The following ZFP14 variants were observed in gnomAD, a reference collection of about 807,000 sequenced individuals.
ZFP14 encodes zinc finger protein 14 homolog.
In ZFP14, 22 loss-of-function variants were observed where a neutral mutation model predicts 54.5. The ratio of observed to expected loss-of-function variants is 0.40; its 90% CI spans 0.29 to 0.58. The LOEUF (loss-of-function observed/expected upper bound fraction) is 0.58, where lower values mean the gene tolerates loss of function less well. Among genes scored for constraint, ZFP14 ranks in the 20% least tolerant of loss-of-function variants. The pLI is 0.39. For synonymous variants in ZFP14, 159 were observed against 204.0 expected, an observed-to-expected ratio of 0.78 and a Z score of 1.88; for missense variants, 470 against 637.8, an observed-to-expected ratio of 0.74 and a Z score of 2.83.
chr19:36,346,076 T>C (rs2031408015), intron 4 of ZFP14, among the ~76,000 whole-genome samples: 1 of 152,122 alleles, frequency 6.6e-6, no homozygotes, highest in Admixed American at 6.6e-5. Flanking sequence ...GAGGATTGCT[T>C]GAGCCCAGGA....
intron 4 of ZFP14, among the ~76,000 whole-genome samples, chr19:36,343,938 G>C (rs2031368231): frequency 6.6e-6 from 1 of 152,176 alleles, no homozygotes; most frequent in African/African-American, 2.4e-5. Flanking sequence ...ACCCATTGGG[G>C]ATTAAGTTTC....
In ZFP14 at chr19:36,337,407, AACAATAAAAATAAAAT is replaced by A. The variant is rs1162708344; in HGVS notation, c.*2801_*2816del. On this transcript the variant is annotated 3_prime_UTR_variant, in exon 5 of 5. Coordinates refer to ENST00000270001, the MANE Select transcript of ZFP14 (RefSeq NM_020917.3). ...CTCAAATAGAAAATACTCAAAAAAA[AACAATAAAAATAAAAT>A]ACAATAAAAATAATGCAAATTGAAA... 1.3e-5 allele frequency: 2 copies of A among 152,208 alleles called. No individual in the cohort carries two copies. Among genetic ancestry groups the A allele is most frequent in the Non-Finnish European group, 2.9e-5 (2 of 68,042 alleles). 9.4% of individuals were successfully genotyped at this position (152,208 alleles called of 1,614,324 possible).
intron 1 of ZFP14, among the ~76,000 whole-genome samples, chr19:36,374,815 A>T (rs942780622): frequency 3.9e-5 from 6 of 152,214 alleles, no homozygotes; most frequent in Non-Finnish European, 8.8e-5. Context: ...CCACCACATT[A>T]AACAGAGTGT....
chr19:36,377,874 C>T (rs191419668), intron 1 of ZFP14, among the ~76,000 whole-genome samples: 1 of 152,082 alleles, frequency 6.6e-6, no homozygotes, highest in African/African-American at 2.4e-5. Flanking sequence ...CAAAACAAAA[C>T]AAACCTACTG....
chr19:36,378,411 A>G (rs1434163910), intron 1 of ZFP14: 1 of 152,238 alleles, frequency 6.6e-6, no homozygotes, highest in Non-Finnish European at 1.5e-5. Flanking sequence ...TAATTTTGCA[A>G]CTGGCTTTAT....
chr19:36,369,408 TG>T lies in ZFP14; in HGVS notation c.-79-1438del, dbSNP rs1218202355. ...CGTTTCTTTTTTCTTTTTTTGGTTTTGTTTTTTTTGTTTGTTTTTGCAGACA... is the reference window on the plus strand; with the variant it reads ...CGTTTCTTTTTTCTTTTTTTGGTTTTTTTTTTTTGTTTGTTTTTGCAGACA... On this transcript the variant is annotated intron_variant, in intron 1 of 4. Coordinates refer to ENST00000270001, the MANE Select transcript of ZFP14 (RefSeq NM_020917.3). Among the ~76,000 whole-genome samples, 10 of 152,262 alleles carry T rather than the reference TG, an allele frequency of 6.6e-5. No individual in the cohort carries two copies. In the South Asian group the frequency reaches 1.0e-3, roughly 16 times the overall value.
At chr19:36,346,003 T>C (rs910539199) in intron 4 of ZFP14, among the ~76,000 whole-genome samples, 2 of 151,998 alleles carry the variant, frequency 1.3e-5, no homozygotes, top group Non-Finnish European at 2.9e-5. Context: ...ATATAAAAAA[T>C]CCAGGTTGGC....
Position 36,341,010 on chromosome 19 carries a change from A to G in ZFP14, c.816T>C (p.Ala272=), listed in dbSNP as rs763712192. The G allele has an allele frequency of 6.2e-7, 1 of 1,614,094 alleles. No individual in the cohort carries two copies. The highest frequency in any genetic ancestry group is 8.5e-7 in the Non-Finnish European group (1 of 1,180,022). The change falls in exon 5 of 5, where the codon GCT becomes GCC. Residue 272 remains alanine (A), a synonymous_variant. Transcript: ENST00000270001. This position sits in a 1 kb window ranked among gnomAD's most constrained non-coding sequence, Gnocchi z 4.2. ...CACCAGTGTGAATTCTCTGATGTCG[A>G]GCCAGTTGCTGATGTACTCTAAAGG... ...GKAFRVHQQL[A]RHQRIHTGEK...
At position 36,356,107 on chromosome 19, in the gene ZFP14, C is replaced by T. The variant is rs1194265514; in HGVS notation, c.235+4328G>A. Among the ~76,000 whole-genome samples the T allele has an allele frequency of 9.2e-5, 11 of 119,430 alleles. 1 individual carries two copies. Among genetic ancestry groups the T allele is most frequent in the Non-Finnish European group, 2.1e-4 (11 of 52,968 alleles). The allele number at this position is 119,430 out of a possible 152,430, so 78.4% of individuals were successfully genotyped here. A position where few individuals can be genotyped will look rare whatever the true frequency, so the allele number is the denominator to read the frequency against. ...TTCACCCAGCCCCTCCCAGTGTTAACATCTTAGGTAAGTATAGCACAATAT... is the reference window on the plus strand; with the variant it reads ...TTCACCCAGCCCCTCCCAGTGTTAATATCTTAGGTAAGTATAGCACAATAT... On this transcript the variant is annotated intron_variant, in intron 4 of 4. Coordinates refer to ENST00000270001, the MANE Select transcript of ZFP14 (RefSeq NM_020917.3).
intron 1 of ZFP14, among the ~76,000 whole-genome samples, chr19:36,371,316 A>G (rs2031874463): frequency 6.6e-6 from 1 of 152,186 alleles, no homozygotes; most frequent in Non-Finnish European, 1.5e-5. Context: ...GTGAACTTCA[A>G]GAAATACAGA....
In ZFP14 at chr19:36,335,965, C is replaced by G. The variant is rs1357047784; in HGVS notation, c.*4259G>C. On this transcript the variant is annotated 3_prime_UTR_variant, in exon 5 of 5. Transcript: ENST00000270001. ...GGTCAGGCTGGTCTCGAACTCCTGA[C>G]TTCAAGTGATCCACCCACCTCGGCC... 2.0e-5 allele frequency: 3 copies of G among 152,026 alleles called. No individual in the cohort carries two copies. Among genetic ancestry groups the G allele is most frequent in the African/African-American group, 7.3e-5 (3 of 41,362 alleles). The allele number at this position is 152,026 out of a possible 1,614,324, so 9.4% of individuals were successfully genotyped here.
rs1023736263 is a variant in ZFP14, at chr19:36,336,598, A to G, written c.*3626T>C. 6.6e-6 allele frequency: 1 copy of G among 152,220 alleles called. No homozygotes were observed. The highest frequency in any genetic ancestry group is 2.4e-5 in the African/African-American group (1 of 41,452). 9.4% of individuals were successfully genotyped at this position (152,220 alleles called of 1,614,324 possible). A position where few individuals can be genotyped will look rare whatever the true frequency, so the allele number is the denominator to read the frequency against. On this transcript the variant is annotated 3_prime_UTR_variant, in exon 5 of 5. Transcript: ENST00000270001. ...TGTTGTTTCCTTTTTCTTGACGGAA[A>G]TACTTATTCATTCCCTCAACACATT...
intron 1 of ZFP14, among the ~76,000 whole-genome samples, chr19:36,368,764 C>T (rs535485492): frequency 2.0e-5 from 3 of 152,300 alleles, no homozygotes; most frequent in African/African-American, 7.2e-5. Flanking sequence ...CCTTGCCTTC[C>T]CCAGCCAGGA....
chr19:36,359,523 G>T (rs1026061811), intron 4 of ZFP14, among the ~76,000 whole-genome samples: 1 of 151,902 alleles, frequency 6.6e-6, no homozygotes, highest in African/African-American at 2.4e-5. Context: ...GCAGCATAAG[G>T]GTATTCAATT....
At chr19:36,371,956 A>T (rs1415905977) in intron 1 of ZFP14, among the ~76,000 whole-genome samples, 10 of 133,154 alleles carry the variant, frequency 7.5e-5, no homozygotes, top group Non-Finnish European at 1.3e-4. Flanking sequence ...AGATGAAAGG[A>T]AAGGAAGGGA....
intron 3 of ZFP14, 40 bp from the exon 4 acceptor site, chr19:36,360,573 A>G: frequency 6.4e-7 from 1 of 1,562,754 alleles, no homozygotes; most frequent in East Asian, 2.3e-5. Flanking sequence ...TATACACCAG[A>G]AAATCTTTAG....
At chr19:36,343,777 G>A (rs150243357) in intron 4 of ZFP14, among the ~76,000 whole-genome samples, 11 of 152,224 alleles carry the variant, frequency 7.2e-5, no homozygotes, top group East Asian at 1.9e-4. Flanking sequence ...CCAAGGCAGC[G>A]CACAGACCAT....
At chr19:36,358,094 T>C (rs147919247) in intron 4 of ZFP14, among the ~76,000 whole-genome samples, 1 of 95,532 alleles carries the variant, frequency 1.0e-5, no homozygotes, top group Non-Finnish European at 2.3e-5. Flanking sequence ...CTATCTATCA[T>C]CTATCTATCT....
chr19:36,351,729 T>A (rs1468192969), intron 4 of ZFP14, among the ~76,000 whole-genome samples: 2 of 140,322 alleles, frequency 1.4e-5, no homozygotes, highest in Non-Finnish European at 3.1e-5. Flanking sequence ...CATGGTGGTG[T>A]GTACCCGTAG....
Sources: allele counts gnomAD v4.1 joint callset (sites outside exome capture counted in the v4.1 genomes callset), GRCh38; gene constraint gnomAD v4.1.1; non-coding constraint Gnocchi (gnomAD v3.1); transcripts MANE v1.5; gene names NCBI Gene and HGNC (gene_info 2026-07-23, HGNC 2026-07-21).